Variants in TMEM182 observed in about 807,000 individuals in gnomAD.
TMEM182 encodes the protein transmembrane protein 182.
TMEM182 carries 20 observed loss-of-function variants against 26.8 expected under a neutral mutation model. The observed-to-expected ratio is 0.75, with a 90% CI of 0.53 to 1.09. The LOEUF is 1.09. TMEM182 is among the 50% of genes least tolerant of loss of function. The pLI, the probability that TMEM182 is intolerant of heterozygous loss-of-function variation, is 0.00. For synonymous variants in TMEM182, 109 were observed against 102.2 expected (o/e 1.07, Z -0.40); for missense variants, 277 against 275.5 (o/e 1.01, Z -0.04).
In TMEM182 at chr2:102,798,009, G is replaced by A. The variant is rs758467308; in HGVS notation, c.469+9G>A. On this transcript the variant is annotated intron_variant, in intron 4 of 4. Transcript: ENST00000412401. ...CTCATATATTGCTGCAGGTACGTAC[G>A]GTGCAATGGGTATGACTTTCAGCCA... is the stretch of plus-strand genomic sequence containing the variant. The A allele has an allele frequency of 6.3e-6, 10 of 1,596,464 alleles. No individual in the cohort carries two copies. Among genetic ancestry groups the A allele is most frequent in the South Asian group, 2.3e-5 (2 of 87,052 alleles).
At chr2:102,747,598 A>G (rs913387098) in intron 1 of TMEM182, among the ~76,000 whole-genome samples, 10 of 151,970 alleles carry the variant, frequency 6.6e-5, no homozygotes. Flanking sequence ...TGGTCTTCCC[A>G]TGTTTAGTTG....
chr2:102,842,506 G>A (rs1256845402), intron 3 of TMEM182, among the ~76,000 whole-genome samples: 1 of 151,938 alleles, frequency 6.6e-6, no homozygotes, highest in African/African-American at 2.4e-5. Context: ...CAATTCCAGG[G>A]CTCCACCTAG....
intron 3 of TMEM182, among the ~76,000 whole-genome samples, chr2:102,830,637 A>G (rs1005621642): frequency 2.0e-5 from 3 of 152,226 alleles, no homozygotes; most frequent in Admixed American, 1.3e-4. Flanking sequence ...TGAAAAGAGC[A>G]TATCATGGAG....
At chr2:102,841,512 T>C (rs1042046649) in intron 3 of TMEM182, among the ~76,000 whole-genome samples, 1 of 152,206 alleles carries the variant, frequency 6.6e-6, no homozygotes, top group African/African-American at 2.4e-5. Context: ...GTAAAGGTTC[T>C]TGAACCAAAA....
intron 3 of TMEM182, among the ~76,000 whole-genome samples, chr2:102,785,100 T>C (rs1681333845): frequency 6.6e-6 from 1 of 152,198 alleles, no homozygotes; most frequent in African/African-American, 2.4e-5. Context: ...AATGTTCCAC[T>C]GAAAAATGAG....
chr2:102,761,333 G>A (rs1330469668), upstream of TMEM182, among the ~76,000 whole-genome samples: 1 of 152,162 alleles, frequency 6.6e-6, no homozygotes, highest in Non-Finnish European at 1.5e-5. Flanking sequence ...AGTCGATCAG[G>A]TTATTTCATC....
intron 3 of TMEM182, among the ~76,000 whole-genome samples, chr2:102,837,562 TG>T (rs1683269511): frequency 2.0e-4 from 1 of 4,966 alleles, no homozygotes; most frequent in Non-Finnish European, 4.4e-4. Flanking sequence ...TCAGGGGGTC[TG>T]GGGGCTGTTG....
chr2:102,823,131 G>A (rs149069238), intron 3 of TMEM182, among the ~76,000 whole-genome samples: 4 of 152,264 alleles, frequency 2.6e-5, no homozygotes, highest in Admixed American at 2.6e-4. Flanking sequence ...ATCTCAGTCT[G>A]TCAGGATGTT....
intron 4 of TMEM182, among the ~76,000 whole-genome samples, chr2:102,812,269 G>A (rs570141875): frequency 6.6e-6 from 1 of 152,070 alleles, no homozygotes; most frequent in African/African-American, 2.4e-5. Context: ...TTGACCACAT[G>A]TCTCATGCAG....
At chr2:102,743,717 A>G (rs187796067) in intron 1 of TMEM182, among the ~76,000 whole-genome samples, 1 of 152,332 alleles carries the variant, frequency 6.6e-6, no homozygotes, top group Non-Finnish European at 1.5e-5. Flanking sequence ...TATGCTGTAT[A>G]CACAAAAGCC....
chr2:102,812,034 A>G (rs1408451831), intron 4 of TMEM182, among the ~76,000 whole-genome samples: 2 of 152,224 alleles, frequency 1.3e-5, no homozygotes, highest in Non-Finnish European at 2.9e-5. Flanking sequence ...ACATGCACAC[A>G]CACATTTACT....
intron 1 of TMEM182, among the ~76,000 whole-genome samples, chr2:102,744,056 A>G (rs575060787): frequency 1.3e-5 from 2 of 152,310 alleles, no homozygotes; most frequent in East Asian, 3.9e-4. Context: ...ACCATCTTAC[A>G]TCTGGGTTTA....
chr2:102,761,662 A>G (rs537318496), upstream of TMEM182, among the ~76,000 whole-genome samples: 5 of 152,342 alleles, frequency 3.3e-5, no homozygotes, highest in East Asian at 9.6e-4. Flanking sequence ...TACAACTTCA[A>G]TTGTGTTCAA....
At chr2:102,770,603 C>T (rs1025375433) in intron 3 of TMEM182, among the ~76,000 whole-genome samples, 19 of 152,162 alleles carry the variant, frequency 1.2e-4, no homozygotes, top group African/African-American at 3.1e-4. Flanking sequence ...CTTCTCTTCT[C>T]ACAGGAAGAG....
chr2:102,774,250 CTTTTTTTTT>C (rs774047240), intron 3 of TMEM182, among the ~76,000 whole-genome samples: 2 of 96,130 alleles, frequency 2.1e-5, no homozygotes, highest in African/African-American at 4.3e-5. Flanking sequence ...TTCTTTCTTT[CTTTTTTTTT>C]TTTTTTTTTT....
Position 102,742,658 on chromosome 2 carries a change from A to C in TMEM182, c.-83+5645A>C, listed in dbSNP as rs112322659. On this transcript the variant is annotated intron_variant, in intron 1 of 5. Transcript: ENST00000409173. ...AACACAGAAAACTGAAAACAGAGAA[A>C]ATCTTGAAATAAGCCAGAGAATACA... 8.0e-3 allele frequency among the ~76,000 whole-genome samples: 1,226 copies of C among 152,324 alleles called. 22 individuals are homozygous for C. Among genetic ancestry groups the C allele is most frequent in the African/African-American group, 0.027 (1,121 of 41,576 alleles).
rs1023069063 is a variant in TMEM182, at chr2:102,830,394, A to G, written c.326-13018A>G. ...TGGGTTTTAAGGGTTCTGTGTATAGATATGGTCAAGGCCATGATCCTAGCT... is the reference window on the plus strand; with the variant it reads ...TGGGTTTTAAGGGTTCTGTGTATAGGTATGGTCAAGGCCATGATCCTAGCT... On this transcript the variant is annotated intron_variant, in intron 3 of 3. Coordinates refer to the TMEM182 transcript ENST00000486293. 5.3e-5 allele frequency among the ~76,000 whole-genome samples: 8 copies of G among 152,192 alleles called. No homozygotes were observed. In the South Asian group the frequency reaches 1.0e-3, roughly 20 times the overall value.
At chr2:102,805,804 G>C (rs1301137393) in intron 4 of TMEM182, among the ~76,000 whole-genome samples, 1 of 152,068 alleles carries the variant, frequency 6.6e-6, no homozygotes, top group African/African-American at 2.4e-5. Context: ...AGCTACTCGG[G>C]AGGCTGATGC....
At chr2:102,785,061 G>T (rs1380792208) in intron 3 of TMEM182, among the ~76,000 whole-genome samples, 1 of 152,136 alleles carries the variant, frequency 6.6e-6, no homozygotes, top group African/African-American at 2.4e-5. Context: ...AATATCATTT[G>T]TATGAAAAGT....
Sources: allele counts gnomAD v4.1 joint callset (sites outside exome capture counted in the v4.1 genomes callset), GRCh38; gene constraint gnomAD v4.1.1; transcripts MANE v1.5; gene names NCBI Gene and HGNC (gene_info 2026-07-23, HGNC 2026-07-21).